Variants in NSMCE4A observed in about 807,000 individuals in gnomAD.
NSMCE4A encodes NSE4A component of SMC5/6 complex, also known as non-structural maintenance of chromosomes element 4 homolog A.
In NSMCE4A, 40 loss-of-function variants were observed where a neutral mutation model predicts 47.9. The ratio of observed to expected loss-of-function variants is 0.83; its 90% confidence interval spans 0.65 to 1.09. NSMCE4A has a LOEUF of 1.09. Ranked by LOEUF, NSMCE4A falls within the 50% of genes least tolerant of loss-of-function variation. The pLI is 0.00. For missense variants in NSMCE4A, 500 were observed against 507.0 expected (o/e 0.99, Z 0.13); for synonymous variants, 166 against 178.5 (o/e 0.93, Z 0.56).
chr10:121,970,767 C>G (rs1488082211), intron 3 of NSMCE4A, among the ~76,000 whole-genome samples, 172 bp downstream of exon 3: 1 of 152,158 alleles, frequency 6.6e-6, no homozygotes, highest in Non-Finnish European at 1.5e-5. Flanking sequence ...ACCCAAGATT[C>G]CACCACATGG....
chr10:121,968,735 C>G (rs181134962), intron 3 of NSMCE4A, among the ~76,000 whole-genome samples: 1 of 152,222 alleles, frequency 6.6e-6, no homozygotes, highest in African/African-American at 2.4e-5. Context: ...AATCACAAAA[C>G]CCTCAGGGAG....
rs759409274 is a variant in NSMCE4A, at chr10:121,967,703, C to A, written c.605G>T (p.Gly202Val). 1 of 1,613,976 alleles carries A rather than the reference C, an allele frequency of 6.2e-7. No individual in the cohort carries two copies. Among genetic ancestry groups the A allele is most frequent in the Non-Finnish European group, 8.5e-7 (1 of 1,179,984 alleles). ...FIVYDSWKIT[G>V]RTAENTFNKT... ...ATTAAAGGTGTTTTCTGCTGTTCTG[C>A]CTGTTATCTTCCAGGAGTCATAGAC... The change falls in exon 4 of 11, where the codon GGC becomes GTC. Residue 202 changes from glycine to valine, a missense_variant. Gly to Val is a moderately radical substitution (Grantham distance 109). Coordinates refer to ENST00000369023, the MANE Select transcript of NSMCE4A (RefSeq NM_017615.3).
chr10:121,962,303 C>T (rs1792852289), intron 6 of NSMCE4A, among the ~76,000 whole-genome samples: 1 of 151,388 alleles, frequency 6.6e-6, no homozygotes, highest in Admixed American at 6.6e-5. Flanking sequence ...CCTGTAGTCC[C>T]AGCTACTTGG....
intron 4 of NSMCE4A, chr10:121,966,833 C>T (rs1024467374): frequency 1.3e-5 from 2 of 152,064 alleles, no homozygotes; most frequent in Admixed American, 1.3e-4. Context: ...TAGGACCATG[C>T]CAGGAAGTTA....
In NSMCE4A at chr10:121,967,747, A is replaced by C. The variant is rs1289628459; in HGVS notation, c.561T>G (p.Ser187Arg). Residue 187 changes from serine (S) to arginine (R), a missense_variant, in exon 4 of 11, where the codon AGT becomes AGG. By Grantham distance (110) the Ser-to-Arg change is moderately radical. Coordinates refer to ENST00000369023, the MANE Select transcript of NSMCE4A (RefSeq NM_017615.3). ...EAEELIRDED[S>R]PDFEFIVYDS... Reference sequence around the variant, plus strand: ...CATAGACTATGAATTCAAAATCAGGACTATCTTCATCACGGATGAGTTCTT... The same window carrying C: ...CATAGACTATGAATTCAAAATCAGGCCTATCTTCATCACGGATGAGTTCTT... 1 of 1,614,048 alleles carries C rather than the reference A, an allele frequency of 6.2e-7. No homozygotes were observed. The highest frequency in any genetic ancestry group is 8.5e-7 in the Non-Finnish European group (1 of 1,180,026).
intron 10 of NSMCE4A, among the ~76,000 whole-genome samples, chr10:121,957,464 GCT>G (rs1303263494): frequency 8.3e-6 from 1 of 120,378 alleles, no homozygotes; most frequent in Non-Finnish European, 1.6e-5. Flanking sequence ...ACAGAGTTTC[GCT>G]CTGTCGCCCA....
At chr10:121,974,463 C>A (rs976188632) in intron 1 of NSMCE4A, 325 of 1,010,298 alleles carry the variant, frequency 3.2e-4, no homozygotes, top group Non-Finnish European at 3.7e-4. Context: ...CGGGTGGGGT[C>A]CGAGAACGTG....
chr10:121,962,808 C>T (rs1301931534), intron 6 of NSMCE4A, among the ~76,000 whole-genome samples: 1 of 151,892 alleles, frequency 6.6e-6, no homozygotes, highest in African/African-American at 2.4e-5. Context: ...GATGAGGTTT[C>T]TCCATGTTGG....
chr10:121,971,810 T>C (rs537859420), intron 2 of NSMCE4A, among the ~76,000 whole-genome samples: 4 of 152,256 alleles, frequency 2.6e-5, no homozygotes, highest in South Asian at 2.1e-4. Flanking sequence ...TGCTAAGCAA[T>C]AGGTAAGTTG....
rs941114877 is a variant in NSMCE4A, at chr10:121,970,854, C to T, written c.501+85G>A. 5.1e-6 allele frequency: 6 copies of T among 1,182,838 alleles called. 1 individual carries two copies. The Middle Eastern group carries it at 1.1e-3, about 222-fold the overall frequency. The allele number at this position is 1,182,838 out of a possible 1,614,324, so 73.3% of individuals were successfully genotyped here. On this transcript the variant is annotated intron_variant, in intron 3 of 10. Transcript: ENST00000369023. ...CCAAAAAAGAAGAATGAAGTGAAATCATCTGCATATGGATATGAGCACAGT... is the reference window on the plus strand; with the variant it reads ...CCAAAAAAGAAGAATGAAGTGAAATTATCTGCATATGGATATGAGCACAGT...
rs551274302 is a variant in NSMCE4A, at chr10:121,960,198, C to T, written c.988+160G>A. 9.4e-5 allele frequency: 43 copies of T among 456,216 alleles called. No homozygotes were observed. The South Asian group carries it at 2.3e-3, about 25-fold the overall frequency. The allele number at this position is 456,216 out of a possible 1,614,324, so 28.3% of individuals were successfully genotyped here. A position where few individuals can be genotyped will look rare whatever the true frequency, so the allele number is the denominator to read the frequency against. ...TAGATGAATCCATCAAAATTTTAGA[C>T]GCTGGCCATGTTTTCAGTATCTTCA... On this transcript the variant is annotated intron_variant, in intron 8 of 10. Transcript: ENST00000369023. This position sits in a 1 kb window ranked among gnomAD's most constrained non-coding sequence, Gnocchi z 4.2.
Position 121,961,506 on chromosome 10 carries a change from T to G in NSMCE4A, c.856A>C (p.Met286Leu), listed in dbSNP as rs1377586129. ...TCAACCACAAAGTCAAAGAAGGACA[T>G]TGGGGTATCAGCTATAGACAAAAAG... ...TYFREDPDTP[M>L]SFFDFVVDPH... The change falls in exon 7 of 11, where the codon ATG becomes CTG. Residue 286 changes from methionine (M) to leucine (L), a missense_variant. Transcript: ENST00000369023. 2.6e-6 allele frequency: 4 copies of G among 1,562,812 alleles called. No homozygotes were observed. Among genetic ancestry groups the G allele is most frequent in the African/African-American group, 2.8e-5 (2 of 71,126 alleles).
In NSMCE4A at chr10:121,960,723, C is replaced by CG. The variant is rs1952482346; in HGVS notation, c.940-318_940-317insC. On this transcript the variant is annotated intron_variant, in intron 7 of 10. Transcript: ENST00000369023. This position sits in a 1 kb window ranked among gnomAD's most constrained non-coding sequence, Gnocchi z 4.2. ...CATTTTATTCTGCATAATTCTGTCA[C>CG]TGGGACCACTGGCAAAATATGCCTT... 6.6e-6 allele frequency among the ~76,000 whole-genome samples: 1 copy of CG among 152,188 alleles called. No homozygotes were observed. Among genetic ancestry groups the CG allele is most frequent in the Non-Finnish European group, 1.5e-5 (1 of 68,028 alleles).
In NSMCE4A at chr10:121,967,689, T is replaced by C; in HGVS notation, c.619A>G (p.Asn207Asp). The C allele has an allele frequency of 1.2e-6, 2 of 1,613,206 alleles. No homozygotes were observed. The highest frequency in any genetic ancestry group is 1.7e-6 in the Non-Finnish European group (2 of 1,179,872). The change falls in exon 4 of 11, where the codon AAC (asparagine) becomes GAC (aspartate). Residue 207 changes from asparagine to aspartate, a missense_variant. Coordinates refer to ENST00000369023, the MANE Select transcript of NSMCE4A (RefSeq NM_017615.3). Reference sequence around the variant, plus strand: ...AATGTATGGGTTTTATTAAAGGTGTTTTCTGCTGTTCTGCCTGTTATCTTC... The same window carrying C: ...AATGTATGGGTTTTATTAAAGGTGTCTTCTGCTGTTCTGCCTGTTATCTTC... ...SWKITGRTAE[N>D]TFNKTHTFHF...
At chr10:121,972,061 C>T (rs1952724545) in intron 2 of NSMCE4A, among the ~76,000 whole-genome samples, 1 of 152,220 alleles carries the variant, frequency 6.6e-6, no homozygotes, top group Non-Finnish European at 1.5e-5. Context: ...CAGCTCATGC[C>T]TGTAATCCCT....
chr10:121,958,642 G>A (rs1366915384), intron 10 of NSMCE4A, among the ~76,000 whole-genome samples: 1 of 152,140 alleles, frequency 6.6e-6, no homozygotes, highest in African/African-American at 2.4e-5. Context: ...TGGGTATGGT[G>A]ACTCATACCT....
At chr10:121,958,959 T>G (rs113478531) in intron 10 of NSMCE4A, among the ~76,000 whole-genome samples, 1 of 151,990 alleles carries the variant, frequency 6.6e-6, no homozygotes, top group Non-Finnish European at 1.5e-5. Context: ...GGATTACAGG[T>G]GCATGCCACC....
chr10:121,957,771 A>C (rs1952425463), intron 10 of NSMCE4A, among the ~76,000 whole-genome samples: 2 of 152,088 alleles, frequency 1.3e-5, no homozygotes, highest in Admixed American at 6.6e-5. Context: ...AACTTGGAAC[A>C]AAAGTATTTC....
intron 1 of NSMCE4A, 104 bp from the exon 2 acceptor site, chr10:121,974,185 G>A (rs1952771709): frequency 7.4e-7 from 1 of 1,348,226 alleles, no homozygotes; most frequent in South Asian, 1.3e-5. Context: ...CGGCCCCTGC[G>A]CTCTGAGTAA....
Sources: gnomAD v4.1 joint callset for allele counts (sites outside exome capture counted in the v4.1 genomes callset) on GRCh38, gnomAD v4.1.1 for gene constraint, Gnocchi (gnomAD v3.1) non-coding constraint, MANE v1.5 for transcripts, NCBI Gene and HGNC (gene_info 2026-07-23, HGNC 2026-07-21) for gene names.